Variants in RRAGD observed in about 807,000 individuals in gnomAD.
RRAGD encodes ras-related GTP-binding protein D.
In RRAGD, 12 loss-of-function variants were observed where a neutral mutation model predicts 35.5. The observed-to-expected ratio is 0.34, with a 90% confidence interval of 0.22 to 0.55. RRAGD has a LOEUF of 0.55. RRAGD is among the 20% of genes least tolerant of loss of function. The probability of loss-of-function intolerance (pLI) is 0.91; values close to 1 mark genes in which losing one functional copy is unlikely to be tolerated. For synonymous variants in RRAGD, 155 were observed against 178.9 expected, an observed-to-expected ratio of 0.87 and a Z score of 1.07; for missense variants, 324 against 490.1, an observed-to-expected ratio of 0.66 and a Z score of 3.20.
At chr6:89,386,773 A>C (rs1296814345) in intron 2 of RRAGD, among the ~76,000 whole-genome samples, 1 of 152,174 alleles carries the variant, frequency 6.6e-6, no homozygotes, top group Non-Finnish European at 1.5e-5. Flanking sequence ...AAAAATATCA[A>C]ATATCCATCT....
intron 2 of RRAGD, among the ~76,000 whole-genome samples, chr6:89,382,431 C>T (rs1393117875): frequency 9.3e-6 from 1 of 107,096 alleles, no homozygotes; most frequent in African/African-American, 4.9e-5. Flanking sequence ...ATGTAATTAA[C>T]CAGACTTGGT....
In RRAGD at chr6:89,411,933, C is replaced by T. The variant is rs1769706925; in HGVS notation, c.61G>A (p.Glu21Lys). The change falls in exon 1 of 7, where the codon GAG (glutamate) becomes AAG (lysine). Residue 21 changes from glutamate (E) to lysine (K), a missense_variant. Physicochemically the swap from Glu to Lys is moderately conservative, Grantham distance 56. Transcript: ENST00000369415. This position sits in a 1 kb window ranked among gnomAD's most constrained non-coding sequence, Gnocchi z 5.6. The part of the protein sequence containing the change: ...QDEDDAEEEE[E>K]EDELVGLADY... ...GCTAGCCCCACCAGCTCATCCTCCT[C>T]CTCCTCCTCCTCCGCGTCGTCCTCG... 1.9e-6 allele frequency: 3 copies of T among 1,541,466 alleles called. No individual in the cohort carries two copies. Among genetic ancestry groups the T allele is most frequent in the East Asian group, 2.4e-5 (1 of 40,876 alleles).
Position 89,393,467 on chromosome 6 carries a change from T to A in RRAGD, c.149-5877A>T, listed in dbSNP as rs143845301. Reference sequence around the variant, plus strand: ...AACTTACCCTACACACACTAGGATATCTTCTAGGTGAAAGCAGTAAATGGA... The same window carrying A: ...AACTTACCCTACACACACTAGGATAACTTCTAGGTGAAAGCAGTAAATGGA... On this transcript the variant is annotated intron_variant, in intron 1 of 6. Coordinates refer to ENST00000369415, the MANE Select transcript of RRAGD (RefSeq NM_021244.5). Among the ~76,000 whole-genome samples, 12 of 152,272 alleles carry A rather than the reference T, an allele frequency of 7.9e-5. No homozygotes were observed. In the East Asian group the frequency reaches 2.3e-3, roughly 29 times the overall value.
At chr6:89,384,006 G>T (rs1258352040) in intron 2 of RRAGD, among the ~76,000 whole-genome samples, 1 of 151,716 alleles carries the variant, frequency 6.6e-6, no homozygotes, top group East Asian at 1.9e-4. Context: ...AGGAGGCTGA[G>T]GGAGGAGAAT....
chr6:89,379,850 C>A (rs144623084), intron 3 of RRAGD, among the ~76,000 whole-genome samples: 2 of 152,208 alleles, frequency 1.3e-5, no homozygotes, highest in East Asian at 1.9e-4. Context: ...CAGATAATAT[C>A]TTTATCAAGA....
At chr6:89,387,683 T>C in intron 1 of RRAGD, 93 bp from the exon 2 acceptor site, 2 of 1,183,888 alleles carry the variant, frequency 1.7e-6, no homozygotes, top group South Asian at 1.4e-5. Context: ...GATTTATGAT[T>C]CACAGATGAT....
intron 1 of RRAGD, among the ~76,000 whole-genome samples, chr6:89,405,015 T>C (rs191528246): frequency 1.3e-5 from 2 of 152,252 alleles, no homozygotes; most frequent in Admixed American, 1.3e-4. Flanking sequence ...CATCTTTGAA[T>C]AGGCTCAAAA....
intron 1 of RRAGD, among the ~76,000 whole-genome samples, chr6:89,389,357 C>G (rs996561675): frequency 1.8e-4 from 27 of 152,124 alleles, no homozygotes; most frequent in Middle Eastern, 3.4e-3. Flanking sequence ...AGATCAAGAC[C>G]ACCCTGGCTA....
At position 89,405,022 on chromosome 6, in the gene RRAGD, A is replaced by G. The variant is rs112090776; in HGVS notation, c.148+6824T>C. Among the ~76,000 whole-genome samples the G allele has an allele frequency of 2.4e-3, 370 of 152,288 alleles. 7 individuals are homozygous for G. In the East Asian group the frequency reaches 0.044, roughly 18 times the overall value. On this transcript the variant is annotated intron_variant, in intron 1 of 6. Coordinates refer to ENST00000369415, the MANE Select transcript of RRAGD (RefSeq NM_021244.5). ...AGAGGTAGCATCTTTGAATAGGCTC[A>G]AAACAGGAAAATAAACTATTTAATG... is the stretch of plus-strand genomic sequence containing the variant.
chr6:89,398,152 A>G (rs552836598), intron 1 of RRAGD, among the ~76,000 whole-genome samples: 1 of 152,212 alleles, frequency 6.6e-6, no homozygotes, highest in Non-Finnish European at 1.5e-5. Context: ...TCTCAAAAAA[A>G]AAAAGAAAAA....
intron 1 of RRAGD, among the ~76,000 whole-genome samples, chr6:89,410,308 C>T (rs1430301199): frequency 2.0e-5 from 3 of 152,172 alleles, no homozygotes; most frequent in Admixed American, 6.5e-5. Context: ...GAATCCCACA[C>T]ACACCCTACT....
intron 2 of RRAGD, among the ~76,000 whole-genome samples, chr6:89,386,394 A>T (rs1769137730): frequency 6.6e-6 from 1 of 152,204 alleles, no homozygotes; most frequent in East Asian, 1.9e-4. Flanking sequence ...GGTGCCAAGG[A>T]GCCAATGTGG....
At chr6:89,392,480 GAA>G (rs35934225) in intron 1 of RRAGD, among the ~76,000 whole-genome samples, 1 of 142,034 alleles carries the variant, frequency 7.0e-6, no homozygotes, top group Admixed American at 7.2e-5. Context: ...ACCCTGTCTC[GAA>G]AAAAAAAAAA....
At chr6:89,372,376 A>G in intron 6 of RRAGD, 61 bp downstream of exon 6, 2 of 1,513,806 alleles carry the variant, frequency 1.3e-6, no homozygotes, top group Non-Finnish European at 1.8e-6. Context: ...AACAAACAAT[A>G]CATGCAGTAG....
At chr6:89,374,622 C>T (rs546277938) in intron 5 of RRAGD, among the ~76,000 whole-genome samples, 50 of 151,786 alleles carry the variant, frequency 3.3e-4, no homozygotes, top group Middle Eastern at 6.8e-3. Context: ...CCCAGCTACT[C>T]GGGAGGCTGA....
At chr6:89,410,952 T>C (rs986940973) in intron 1 of RRAGD, among the ~76,000 whole-genome samples, 1 of 152,160 alleles carries the variant, frequency 6.6e-6, no homozygotes, top group Non-Finnish European at 1.5e-5. Flanking sequence ...CTATTGACCT[T>C]TCCAAGTGAC....
chr6:89,411,912 G>GC lies in RRAGD; in HGVS notation c.81dup (p.Leu28AlafsTer28). 2 of 1,545,544 alleles carry GC rather than the reference G, an allele frequency of 1.3e-6. No homozygotes were observed. Among genetic ancestry groups the GC allele is most frequent in the Non-Finnish European group, 1.7e-6 (2 of 1,147,884 alleles). The stretch of plus-strand genomic sequence containing the variant: ...TCGGGCCCGTCTCCGTAGTCCGCTA[G>GC]CCCCACCAGCTCATCCTCCTCCTCC... On this transcript the variant is annotated frameshift_variant, in exon 1 of 7. Transcript: ENST00000369415. LOFTEE classifies it high-confidence loss of function. This position sits in a 1 kb window ranked among gnomAD's most constrained non-coding sequence, Gnocchi z 5.6.
At chr6:89,392,207 C>G (rs1358326344) in intron 1 of RRAGD, among the ~76,000 whole-genome samples, 1 of 152,074 alleles carries the variant, frequency 6.6e-6, no homozygotes, top group African/African-American at 2.4e-5. Context: ...GGCACAGTGG[C>G]TCATGCCTAT....
intron 1 of RRAGD, among the ~76,000 whole-genome samples, chr6:89,391,419 C>G (rs1769231008): frequency 1.3e-5 from 2 of 151,370 alleles, no homozygotes; most frequent in African/African-American, 4.9e-5. Context: ...TATTATTCAG[C>G]CATAAAAAAG....
Sources: gnomAD v4.1 joint callset for allele counts (sites outside exome capture counted in the v4.1 genomes callset) on GRCh38, gnomAD v4.1.1 for gene constraint, Gnocchi (gnomAD v3.1) non-coding constraint, MANE v1.5 for transcripts, NCBI Gene and HGNC (gene_info 2026-07-23, HGNC 2026-07-21) for gene names.